ERAP1: variants seen among roughly 807,000 people sequenced by gnomAD.
ERAP1 encodes adipocyte-derived leucine aminopeptidase.
A neutral mutation model predicts 103.7 loss-of-function variants in ERAP1; 86 were observed. The observed-to-expected ratio is 0.83, with a 90% CI of 0.70 to 0.99. The LOEUF (loss-of-function observed/expected upper bound fraction) is 0.99. ERAP1 is among the 50% of genes least tolerant of loss of function. The pLI is 0.00. For missense variants in ERAP1, 1,009 were observed against 1,128.4 expected (o/e 0.89, Z 1.52); for synonymous variants, 398 against 402.4 (o/e 0.99, Z 0.13).
At chr5:96,809,638 G>A (rs1438112512), upstream of ERAP1, among the ~76,000 whole-genome samples, 2 of 152,028 alleles carry the variant, frequency 1.3e-5, no homozygotes, top group Non-Finnish European at 2.9e-5. Flanking sequence ...ATCCAGGGAA[G>A]TTTTTTTCAC....
chr5:96,828,810 A>T, the ERAP1 span, among the ~76,000 whole-genome samples: 3 of 152,352 alleles, frequency 2.0e-5, no homozygotes, highest in Admixed American at 2.0e-4. Context: ...ATTTACTGGC[A>T]ATAAAAGTCA....
chr5:96,766,598 G>A (rs925901469), intron 19 of ERAP1, among the ~76,000 whole-genome samples: 2 of 152,168 alleles, frequency 1.3e-5, no homozygotes, highest in Admixed American at 1.3e-4. Flanking sequence ...CAGCACTATT[G>A]CAAGTGAAGA....
chr5:96,899,946 T>C, the ERAP1 span, among the ~76,000 whole-genome samples: 1 of 152,242 alleles, frequency 6.6e-6, no homozygotes, highest in East Asian at 1.9e-4. Flanking sequence ...TTTTGTGGAC[T>C]TCTATCCCAG....
chr5:96,815,741 TGTAAGCA>T, the ERAP1 span, among the ~76,000 whole-genome samples: 3 of 152,164 alleles, frequency 2.0e-5, no homozygotes, highest in Admixed American at 6.5e-5. Flanking sequence ...TTACTGTTTT[TGTAAGCA>T]GTAATTTATT....
the ERAP1 span, among the ~76,000 whole-genome samples, chr5:96,838,989 C>T: frequency 1.3e-5 from 2 of 152,236 alleles, no homozygotes; most frequent in Non-Finnish European, 2.9e-5. Context: ...CTGGCTACAA[C>T]TCCAGGAGTT....
chr5:96,797,649 G>A (rs1441007442), intron 3 of ERAP1, among the ~76,000 whole-genome samples: 1 of 152,202 alleles, frequency 6.6e-6, no homozygotes, highest in Non-Finnish European at 1.5e-5. Flanking sequence ...CTGGATGACA[G>A]AGCCAGACCC....
the ERAP1 span, among the ~76,000 whole-genome samples, chr5:96,878,228 T>TAA: frequency 6.6e-6 from 1 of 151,840 alleles, no homozygotes; most frequent in Admixed American, 6.6e-5. Context: ...AACCGAACCT[T>TAA]AAAAAAATTC....
At chr5:96,835,619 T>G in the ERAP1 span, among the ~76,000 whole-genome samples, 1 of 152,244 alleles carries the variant, frequency 6.6e-6, no homozygotes, top group East Asian at 1.9e-4. Flanking sequence ...TGTGTTTGAT[T>G]TTAAGTCTAA....
At chr5:96,920,990 A>C in the ERAP1 span, among the ~76,000 whole-genome samples, 1 of 152,222 alleles carries the variant, frequency 6.6e-6, no homozygotes. Context: ...CCAGATGTTA[A>C]ACTCTGATCT....
At chr5:96,808,147 G>T (rs1170263297), upstream of ERAP1, 2 of 983,830 alleles carry the variant, frequency 2.0e-6, no homozygotes, top group Non-Finnish European at 2.4e-6. Context: ...CGATGCGGGG[G>T]ATCAGGCGTA....
chr5:96,800,024 C>A (rs1041731786), intron 3 of ERAP1, among the ~76,000 whole-genome samples: 1 of 152,188 alleles, frequency 6.6e-6, no homozygotes, highest in Admixed American at 6.5e-5. Context: ...CTTCCCCGGT[C>A]AGCACAGGGA....
chr5:96,836,131 C>A, the ERAP1 span, among the ~76,000 whole-genome samples: 1 of 148,260 alleles, frequency 6.7e-6, no homozygotes, highest in African/African-American at 2.5e-5. Flanking sequence ...CTTCAATGAC[C>A]GGAAAACAAA....
the ERAP1 span, chr5:96,901,812 G>A: frequency 1.2e-6 from 1 of 864,434 alleles, no homozygotes; most frequent in Non-Finnish European, 1.7e-6. Context: ...GCCTAAAGTA[G>A]ACTTGATAAG....
At chr5:96,826,292 G>A in the ERAP1 span, among the ~76,000 whole-genome samples, 2 of 152,224 alleles carry the variant, frequency 1.3e-5, no homozygotes, top group East Asian at 3.9e-4. Flanking sequence ...CACTGTCCCC[G>A]TTCCCTCAAT....
chr5:96,864,012 A>AT, the ERAP1 span, among the ~76,000 whole-genome samples: 32 of 151,420 alleles, frequency 2.1e-4, no homozygotes, highest in South Asian at 4.2e-4. Flanking sequence ...TAAATTCTTG[A>AT]TTTTTTTTTA....
At chr5:96,766,905 T>C (rs1770198005) in intron 19 of ERAP1, among the ~76,000 whole-genome samples, 1 of 152,234 alleles carries the variant, frequency 6.6e-6, no homozygotes, top group Non-Finnish European at 1.5e-5. Flanking sequence ...CAGGGTCTCC[T>C]ATTACAGGAA....
chr5:96,823,210 T>A, the ERAP1 span: 1 of 439,968 alleles, frequency 2.3e-6, no homozygotes, highest in South Asian at 1.6e-5. Flanking sequence ...ACACATCCTG[T>A]CACCTTTGTC....
At chr5:96,767,564 C>G (rs928812810) in intron 19 of ERAP1, 42 of 958,996 alleles carry the variant, frequency 4.4e-5, no homozygotes, top group Middle Eastern at 4.3e-4. Flanking sequence ...AAAACTAAAA[C>G]ATATTGAATG....
Position 96,776,379 on chromosome 5 carries a change from T to A in ERAP1, c.*17A>T, listed in dbSNP as rs1065407. 56 of 1,599,370 alleles carry A rather than the reference T, an allele frequency of 3.5e-5. No individual in the cohort carries two copies. The highest frequency in any genetic ancestry group is 1.4e-4 in the Admixed American group (8 of 57,978). ...TTGGTGATTAGAGATAACAGGAACCTGGCAAGGGAGGAATTTTTACATACG... is the reference window on the plus strand; with the variant it reads ...TTGGTGATTAGAGATAACAGGAACCAGGCAAGGGAGGAATTTTTACATACG... On this transcript the variant is annotated 3_prime_UTR_variant, in exon 19 of 19. Coordinates refer to ENST00000443439, the MANE Select transcript of ERAP1 (RefSeq NM_001040458.3).
Sources: allele counts gnomAD v4.1 joint callset (sites outside exome capture counted in the v4.1 genomes callset), GRCh38; gene constraint gnomAD v4.1.1; transcripts MANE v1.5; gene names NCBI Gene and HGNC (gene_info 2026-07-23, HGNC 2026-07-21).